The following SLAMF6 variants were observed in gnomAD, a reference collection of about 807,000 sequenced individuals.
SLAMF6 encodes SLAM family member 6, also known as NK-T-B-antigen.
Under a neutral mutation model 38.3 loss-of-function variants are expected in SLAMF6, and 21 were observed. The observed-to-expected ratio is 0.55, with a 90% CI of 0.39 to 0.79. SLAMF6 has a LOEUF of 0.79. Among genes scored for constraint, SLAMF6 ranks in the 30% least tolerant of loss-of-function variants. SLAMF6 has a pLI of 0.00. For missense variants in SLAMF6, 341 were observed against 385.3 expected, an observed-to-expected ratio of 0.89 and a Z score of 0.96; for synonymous variants, 152 against 146.3, an observed-to-expected ratio of 1.04 and a Z score of -0.28.
intron 1 of SLAMF6, among the ~76,000 whole-genome samples, chr1:160,497,104 A>AT (rs202026683): frequency 1.6e-3 from 236 of 151,834 alleles, no homozygotes; most frequent in South Asian, 5.8e-3. Flanking sequence ...ATACCAGAAG[A>AT]TTTTTTTTTA....
At chr1:160,507,329 G>A (rs1654240236) in intron 1 of SLAMF6, among the ~76,000 whole-genome samples, 1 of 152,038 alleles carries the variant, frequency 6.6e-6, no homozygotes, top group Non-Finnish European at 1.5e-5. Flanking sequence ...GGTCAACCCT[G>A]CAAAAAGTTA....
chr1:160,487,482 T>G lies in SLAMF6; in HGVS notation c.880-307A>C, dbSNP rs186696613. On this transcript the variant is annotated intron_variant, in intron 6 of 7. Transcript: ENST00000368057. Reference sequence around the variant, plus strand: ...TCTTGTCCTTTGTCCAGCTCTACTTTCCTTCCTCCATTTTTAAGAAAAAAC... The same window carrying G: ...TCTTGTCCTTTGTCCAGCTCTACTTGCCTTCCTCCATTTTTAAGAAAAAAC... Among the ~76,000 whole-genome samples, 833 of 152,342 alleles carry G rather than the reference T, an allele frequency of 5.5e-3. 9 individuals are homozygous for G. Among genetic ancestry groups the G allele is most frequent in the African/African-American group, 0.019 (793 of 41,576 alleles).
chr1:160,503,797 G>A (rs59621006), intron 1 of SLAMF6, among the ~76,000 whole-genome samples: 10,405 of 151,768 alleles, frequency 0.069, 915 homozygotes, highest in African/African-American at 0.2. Context: ...ACAAATGATG[G>A]GTCAAAAAAA....
At chr1:160,491,973 A>G (rs1312308122) in intron 2 of SLAMF6, among the ~76,000 whole-genome samples, 1 of 152,214 alleles carries the variant, frequency 6.6e-6, no homozygotes, top group African/African-American at 2.4e-5. Flanking sequence ...TCAGCAAGAC[A>G]GAAAGGAAAA....
At chr1:160,517,182 C>T (rs747430018) in intron 1 of SLAMF6, among the ~76,000 whole-genome samples, 34 of 152,010 alleles carry the variant, frequency 2.2e-4, no homozygotes, top group Non-Finnish European at 4.4e-4. Flanking sequence ...TCAAACAACC[C>T]CATTAAAAGG....
At chr1:160,510,315 T>G (rs1020280719) in intron 1 of SLAMF6, among the ~76,000 whole-genome samples, 1 of 152,116 alleles carries the variant, frequency 6.6e-6, no homozygotes, top group Non-Finnish European at 1.5e-5. Context: ...CTGATATCCC[T>G]TATGAATATT....
intron 1 of SLAMF6, among the ~76,000 whole-genome samples, chr1:160,506,985 AG>A (rs1654222454): frequency 1.3e-5 from 2 of 152,234 alleles, no homozygotes; most frequent in South Asian, 4.2e-4. Context: ...TGAGGGGAAA[AG>A]GTTTAAGACA....
chr1:160,514,473 A>G (rs971832353), intron 1 of SLAMF6, among the ~76,000 whole-genome samples: 9 of 152,226 alleles, frequency 5.9e-5, no homozygotes, highest in African/African-American at 2.2e-4. Flanking sequence ...AAAGATATTC[A>G]GGACTTGAAC....
chr1:160,486,865 T>C (rs1652990108), intron 7 of SLAMF6, 111 bp from the exon 8 acceptor site: 1 of 1,244,448 alleles, frequency 8.0e-7, no homozygotes, highest in East Asian at 2.4e-5. Context: ...ATAATAGAGA[T>C]ATTGATAGCA....
intron 2 of SLAMF6, 107 bp downstream of exon 2, chr1:160,495,954 C>T: frequency 3.0e-6 from 3 of 998,934 alleles, no homozygotes; most frequent in Non-Finnish European, 1.5e-6. Context: ...ACTCCAAATG[C>T]CATATTCTTT....
intron 1 of SLAMF6, among the ~76,000 whole-genome samples, chr1:160,499,236 A>G (rs758567639): frequency 2.0e-5 from 3 of 152,166 alleles, no homozygotes; most frequent in Non-Finnish European, 2.9e-5. Context: ...TAATTTTCGT[A>G]TATGGTTAAA....
At chr1:160,506,825 G>A (rs988468908) in intron 1 of SLAMF6, among the ~76,000 whole-genome samples, 1 of 152,110 alleles carries the variant, frequency 6.6e-6, no homozygotes, top group African/African-American at 2.4e-5. Flanking sequence ...AAGGTAGTGT[G>A]AATTCAAAAT....
intron 1 of SLAMF6, among the ~76,000 whole-genome samples, chr1:160,505,855 A>G (rs1654157304): frequency 6.6e-6 from 1 of 152,230 alleles, no homozygotes; most frequent in Non-Finnish European, 1.5e-5. Flanking sequence ...CTGAAAAAAT[A>G]CAATAATTGA....
At position 160,486,680 on chromosome 1, in the gene SLAMF6, C is replaced by G; in HGVS notation, c.*27G>C. The G allele has an allele frequency of 6.2e-7, 1 of 1,608,106 alleles. No individual in the cohort carries two copies. The highest frequency in any genetic ancestry group is 1.1e-5 in the South Asian group (1 of 90,934). On this transcript the variant is annotated 3_prime_UTR_variant, in exon 8 of 8. Coordinates refer to ENST00000368057, the MANE Select transcript of SLAMF6 (RefSeq NM_001184714.2). ...ATGGGATCAGAAGACGTGTCATTCC[C>G]GAATTCCTCTGAGGCCTTTCAGCAA...
At chr1:160,490,813 TG>T in intron 3 of SLAMF6, 128 bp from the exon 4 acceptor site, 2 of 1,423,016 alleles carry the variant, frequency 1.4e-6, no homozygotes, top group Non-Finnish European at 9.3e-7. Flanking sequence ...CCGGAGGCTC[TG>T]GGGTGGGAGT....
rs149756779 is a variant in SLAMF6 at position 160,500,251 on chromosome 1, A to C, written c.50-3858T>G. ...AGTTTAAAAAGTTAAAACAGTAACA[A>C]AAGCAGAGCAAAACAAAATCATGTC... On this transcript the variant is annotated intron_variant, in intron 1 of 7. Coordinates refer to ENST00000368057, the MANE Select transcript of SLAMF6 (RefSeq NM_001184714.2). Among the ~76,000 whole-genome samples the C allele has an allele frequency of 2.0e-3, 298 of 152,366 alleles. 1 individual carries two copies. The highest frequency in any genetic ancestry group is 2.1e-3 in the Non-Finnish European group (142 of 68,034).
chr1:160,496,518 A>G (rs1653590435), intron 1 of SLAMF6, 125 bp from the exon 2 acceptor site: 1 of 891,194 alleles, frequency 1.1e-6, no homozygotes, highest in Non-Finnish European at 1.7e-6. Flanking sequence ...GAGATATGAC[A>G]GAGTAGGAAA....
intron 1 of SLAMF6, among the ~76,000 whole-genome samples, chr1:160,508,893 A>T (rs1315780320): frequency 2.0e-5 from 3 of 152,250 alleles, no homozygotes; most frequent in Non-Finnish European, 4.4e-5. Context: ...GCCAACAGAC[A>T]TATGAAAAAA....
At chr1:160,495,285 G>C (rs572735315) in intron 2 of SLAMF6, among the ~76,000 whole-genome samples, 2 of 152,280 alleles carry the variant, frequency 1.3e-5, no homozygotes, top group East Asian at 3.9e-4. Context: ...CTCCTGCTAA[G>C]TGATTATTCT....
Sources: gnomAD v4.1 joint callset for allele counts (sites outside exome capture counted in the v4.1 genomes callset) on GRCh38, gnomAD v4.1.1 for gene constraint, MANE v1.5 for transcripts, NCBI Gene and HGNC (gene_info 2026-07-23, HGNC 2026-07-21) for gene names.